The following RARB variants were observed in gnomAD, a reference collection of about 807,000 sequenced individuals.
RARB encodes the protein HBV-activated protein.
RARB carries 17 observed loss-of-function variants against 51.9 expected under a neutral mutation model. That is an observed-to-expected ratio of 0.33 (90% confidence interval 0.22 to 0.49). The LOEUF (loss-of-function observed/expected upper bound fraction) is 0.49. Ranked by LOEUF, RARB falls within the 20% of genes least tolerant of loss-of-function variation. RARB has a pLI of 0.99. For synonymous variants in RARB, 215 were observed against 195.4 expected (o/e 1.10, Z -0.84); for missense variants, 369 against 550.8 (o/e 0.67, Z 3.30).
At chr3:25,086,665 G>A (rs1357364300) in intron 3 of RARB, among the ~76,000 whole-genome samples, 1 of 152,058 alleles carries the variant, frequency 6.6e-6, no homozygotes, top group Admixed American at 6.6e-5. Flanking sequence ...ACATTGGTTC[G>A]GTCTGAAAAG....
intron 1 of RARB, among the ~76,000 whole-genome samples, chr3:25,450,754 G>T (rs528145138): frequency 5.9e-5 from 9 of 152,192 alleles, no homozygotes; most frequent in African/African-American, 1.9e-4. Flanking sequence ...TCCTGATGTT[G>T]CAGAATGTCC....
At chr3:24,991,246 G>A (rs554541327) in intron 2 of RARB, among the ~76,000 whole-genome samples, 2 of 152,258 alleles carry the variant, frequency 1.3e-5, no homozygotes, top group South Asian at 2.1e-4. Flanking sequence ...TTCAAGACCA[G>A]CCTGGTCATC....
chr3:25,247,437 G>A (rs2125399759), intron 5 of RARB, among the ~76,000 whole-genome samples: 1 of 152,312 alleles, frequency 6.6e-6, no homozygotes, highest in East Asian at 1.9e-4. Flanking sequence ...TTGAAACTCG[G>A]GGCCCATGTG....
At chr3:25,062,445 C>G (rs147487238) in intron 3 of RARB, among the ~76,000 whole-genome samples, 112 of 151,958 alleles carry the variant, frequency 7.4e-4, no homozygotes, top group Admixed American at 3.7e-3. Context: ...TAATTATAGA[C>G]ATTCTATAAC....
intron 5 of RARB, among the ~76,000 whole-genome samples, chr3:25,325,362 G>A (rs1704684123): frequency 6.6e-6 from 1 of 152,060 alleles, no homozygotes; most frequent in Non-Finnish European, 1.5e-5. Flanking sequence ...ACCACAGCCT[G>A]TTCTATCAGC....
At chr3:25,403,711 T>C (rs544460463) in intron 5 of RARB, among the ~76,000 whole-genome samples, 1 of 152,222 alleles carries the variant, frequency 6.6e-6, no homozygotes, top group South Asian at 2.1e-4. Context: ...TTAATAACTT[T>C]TTCAGCTTTT....
rs1161437067 is a variant in RARB, at chr3:25,596,817, T to TA, written c.*207dup. On this transcript the variant is annotated 3_prime_UTR_variant, in exon 8 of 8. Coordinates refer to ENST00000330688, the MANE Select transcript of RARB (RefSeq NM_000965.5). The stretch of plus-strand genomic sequence containing the variant: ...CTAGAAATACAAACTTTTCCAATTT[T>TA]AAAAAATCAGCCATTTCATGCAACC... 4.7e-6 allele frequency: 2 copies of TA among 421,424 alleles called. No homozygotes were observed. Among genetic ancestry groups the TA allele is most frequent in the South Asian group, 1.1e-4 (1 of 9,462 alleles). The allele number at this position is 421,424 out of a possible 1,614,324, so 26.1% of individuals were successfully genotyped here.
rs186169970 is a variant in RARB at position 25,402,960 on chromosome 3, C to T, written c.179-58233C>T. Among the ~76,000 whole-genome samples the T allele has an allele frequency of 2.4e-3, 358 of 152,036 alleles. 1 individual carries two copies. The Middle Eastern group carries it at 0.027, about 12-fold the overall frequency. On this transcript the variant is annotated intron_variant, in intron 5 of 11. Coordinates refer to the RARB transcript ENST00000383772. ...CAGGCCGATCATGAGGTCAGGAGTTCGAGACCAGCCTGGCCAACATAGTGA... is the reference window on the plus strand; with the variant it reads ...CAGGCCGATCATGAGGTCAGGAGTTTGAGACCAGCCTGGCCAACATAGTGA...
rs140391888 is a variant in RARB at position 25,073,098 on chromosome 3, C to G, written c.-328+12922C>G. The stretch of plus-strand genomic sequence containing the variant: ...AGGGAAAACTGAATGAGTAAGACAC[C>G]CCAGAACAAGAATTCCAAAGTCAAA... On this transcript the variant is annotated intron_variant, in intron 3 of 11. Coordinates refer to the RARB transcript ENST00000383772. 3.8e-3 allele frequency among the ~76,000 whole-genome samples: 579 copies of G among 152,132 alleles called. 5 individuals are homozygous for G. The highest frequency in any genetic ancestry group is 0.013 in the African/African-American group (558 of 41,460).
At chr3:25,222,051 A>C (rs1436769946) in intron 5 of RARB, among the ~76,000 whole-genome samples, 1 of 152,094 alleles carries the variant, frequency 6.6e-6, no homozygotes, top group African/African-American at 2.4e-5. Flanking sequence ...ACGAGCTATC[A>C]CTCTCATTAA....
At chr3:25,099,613 TTTA>T in intron 3 of RARB, among the ~76,000 whole-genome samples, 1 of 37,494 alleles carries the variant, frequency 2.7e-5, no homozygotes, top group African/African-American at 2.5e-4. Context: ...ATTTTCAGGA[TTTA>T]AAAAAAAAAA....
At chr3:25,420,103 C>T (rs758976139) in intron 5 of RARB, among the ~76,000 whole-genome samples, 12 of 151,970 alleles carry the variant, frequency 7.9e-5, no homozygotes, top group Admixed American at 4.6e-4. Flanking sequence ...TGTGTGTGCG[C>T]GCGTGTGTGT....
At chr3:25,531,407 GA>G (rs1698911435) in intron 3 of RARB, among the ~76,000 whole-genome samples, 2 of 145,958 alleles carry the variant, frequency 1.4e-5, no homozygotes, top group Non-Finnish European at 3.1e-5. Context: ...TAGATAGATA[GA>G]TAGATAGATA....
intron 2 of RARB, among the ~76,000 whole-genome samples, chr3:25,034,260 A>G (rs2125291533): frequency 6.6e-6 from 1 of 152,314 alleles, no homozygotes; most frequent in Non-Finnish European, 1.5e-5. Context: ...CAGTGAGTCA[A>G]GATCGCACCA....
chr3:25,326,244 T>A (rs893996576), intron 5 of RARB, among the ~76,000 whole-genome samples: 6 of 152,212 alleles, frequency 3.9e-5, no homozygotes, highest in Middle Eastern at 3.4e-3. Context: ...CCTGCTAAAG[T>A]CAAAAGTGGG....
intron 5 of RARB, among the ~76,000 whole-genome samples, chr3:25,399,683 G>GCTA (rs1163570120): frequency 6.6e-6 from 1 of 152,182 alleles, no homozygotes; most frequent in Non-Finnish European, 1.5e-5. Flanking sequence ...GGCTTGTGAA[G>GCTA]CTACCATAGC....
At chr3:25,202,744 T>A (rs554224462) in intron 5 of RARB, among the ~76,000 whole-genome samples, 1 of 152,310 alleles carries the variant, frequency 6.6e-6, no homozygotes, top group East Asian at 1.9e-4. Context: ...GTTGAGCAGT[T>A]TTGAGTGAGT....
chr3:25,186,126 C>A (rs1700968948), intron 5 of RARB, among the ~76,000 whole-genome samples: 1 of 3,214 alleles, frequency 3.1e-4, no homozygotes, highest in African/African-American at 3.3e-3. Context: ...TTGTGCAAGT[C>A]AGAAAAAAAG....
At chr3:25,158,558 A>T in intron 4 of RARB, among the ~76,000 whole-genome samples, 1 of 152,184 alleles carries the variant, frequency 6.6e-6, no homozygotes, top group East Asian at 1.9e-4. Context: ...CTTCCTTAAG[A>T]TATATTTGCT....
Sources: gnomAD v4.1 joint callset for allele counts (sites outside exome capture counted in the v4.1 genomes callset) on GRCh38, gnomAD v4.1.1 for gene constraint, MANE v1.5 for transcripts, NCBI Gene and HGNC (gene_info 2026-07-23, HGNC 2026-07-21) for gene names.